The following EMSY variants were observed in gnomAD, a reference collection of about 807,000 sequenced individuals.
The protein encoded by EMSY is EMSY transcriptional repressor, BRCA2 interacting.
A neutral mutation model predicts 134.6 loss-of-function variants in EMSY; 26 were observed. The ratio of observed to expected loss-of-function variants is 0.19; its 90% CI spans 0.14 to 0.27. The LOEUF (loss-of-function observed/expected upper bound fraction) is 0.27, where lower values mean the gene tolerates loss of function less well. Among genes scored for constraint, EMSY ranks in the 10% least tolerant of loss-of-function variants. The pLI is 1.00. For synonymous variants in EMSY, 579 were observed against 577.8 expected (o/e 1.00, Z -0.03); for missense variants, 1,305 against 1,611.4 (o/e 0.81, Z 3.26).
intron 18 of EMSY, among the ~76,000 whole-genome samples, chr11:76,543,439 G>A (rs1046336384): frequency 6.6e-6 from 1 of 152,204 alleles, no homozygotes; most frequent in Admixed American, 6.5e-5. Context: ...CAACTGGCTG[G>A]AGGTTTTGTT....
At chr11:76,515,210 G>T (rs572441778) in intron 10 of EMSY, among the ~76,000 whole-genome samples, 48 of 151,010 alleles carry the variant, frequency 3.2e-4, no homozygotes, top group South Asian at 1.1e-3. Flanking sequence ...TTTTTTTGGG[G>T]GGGGGGAGGA....
At chr11:76,527,231 T>C (rs909088899) in intron 13 of EMSY, among the ~76,000 whole-genome samples, 4 of 152,118 alleles carry the variant, frequency 2.6e-5, no homozygotes, top group Admixed American at 2.6e-4. Context: ...GGTTGAGAAA[T>C]GCCATCCTAG....
exon 8 of EMSY, chr11:76,472,636 G>A (rs1290649261): frequency 7.4e-6 from 12 of 1,614,060 alleles, no homozygotes; most frequent in Non-Finnish European, 1.0e-5. Context: ...TAACTATGCA[G>A]CAGTCACTAA....
intron 4 of EMSY, among the ~76,000 whole-genome samples, chr11:76,455,942 G>A (rs1181670927): frequency 6.6e-6 from 1 of 152,120 alleles, no homozygotes; most frequent in Non-Finnish European, 1.5e-5. Flanking sequence ...AGGATACTGG[G>A]TCAGTTTCTG....
intron 7 of EMSY, among the ~76,000 whole-genome samples, chr11:76,465,444 T>C (rs1253090152): frequency 1.3e-5 from 2 of 152,166 alleles, no homozygotes; most frequent in African/African-American, 4.8e-5. Context: ...ATACATGAAA[T>C]AATATATGAA....
chr11:76,466,154 C>G (rs1343030201), intron 7 of EMSY, among the ~76,000 whole-genome samples: 1 of 152,204 alleles, frequency 6.6e-6, no homozygotes, highest in African/African-American at 2.4e-5. Context: ...TTGTCAATCT[C>G]CCTCATGACA....
chr11:76,476,227 T>C (rs1458968109), intron 8 of EMSY, among the ~76,000 whole-genome samples: 3 of 152,234 alleles, frequency 2.0e-5, no homozygotes, highest in Admixed American at 1.3e-4. Context: ...TGGTGTATGC[T>C]TCTTGTTGCA....
chr11:76,472,537 A>C, intron 7 of EMSY, 27 bp from the exon 9 acceptor site: 1 of 1,598,186 alleles, frequency 6.3e-7, no homozygotes, highest in Non-Finnish European at 8.6e-7. Flanking sequence ...GTAGGTACAT[A>C]AAAATAACTT....
At chr11:76,451,538 C>G (rs1333319834) in intron 2 of EMSY, among the ~76,000 whole-genome samples, 3 of 152,224 alleles carry the variant, frequency 2.0e-5, no homozygotes, top group Admixed American at 6.5e-5. Flanking sequence ...AGCCTTGTTA[C>G]ATCAGTTGGT....
At chr11:76,534,703 G>A (rs1257233605) in intron 14 of EMSY, among the ~76,000 whole-genome samples, 1 of 152,060 alleles carries the variant, frequency 6.6e-6, no homozygotes, top group Non-Finnish European at 1.5e-5. Flanking sequence ...TGCTTTCACT[G>A]ACCATCCCAA....
chr11:76,543,116 A>G (rs1016025513), intron 18 of EMSY, among the ~76,000 whole-genome samples: 1 of 152,202 alleles, frequency 6.6e-6, no homozygotes, highest in Middle Eastern at 3.2e-3. Flanking sequence ...CAGAGCCAGG[A>G]TTTAAACCCA....
chr11:76,458,126 T>C, intron 4 of EMSY, 57 bp from the exon 6 acceptor site: 1 of 1,475,916 alleles, frequency 6.8e-7, no homozygotes, highest in Non-Finnish European at 9.1e-7. Context: ...AGCATATATG[T>C]TTGATTTGTT....
chr11:76,542,929 G>C (rs976325561), intron 18 of EMSY, among the ~76,000 whole-genome samples: 12 of 152,122 alleles, frequency 7.9e-5, no homozygotes, highest in African/African-American at 2.9e-4. Context: ...AGGGTAATGG[G>C]GAAAAGGAAA....
At chr11:76,546,329 T>C (rs778166709) in intron 20 of EMSY, 32 bp downstream of exon 21, 1 of 1,581,186 alleles carries the variant, frequency 6.3e-7, no homozygotes, top group South Asian at 1.2e-5. Context: ...AGAAATCTTG[T>C]GCATCTTGGG....
chr11:76,546,402 GAA>G (rs1951653944), intron 20 of EMSY, 105 bp downstream of exon 21: 1 of 1,407,182 alleles, frequency 7.1e-7, no homozygotes, highest in African/African-American at 1.4e-5. Context: ...AAGACAGCAG[GAA>G]GACATAGATA....
At chr11:76,545,933 C>G (rs1951630717) in exon 20 of EMSY, 2 of 1,614,202 alleles carry the variant, frequency 1.2e-6, no homozygotes, top group Non-Finnish European at 1.7e-6. Context: ...AGCATATCTC[C>G]CATTCAGGCC....
At chr11:76,517,566 A>G (rs911335501) in intron 11 of EMSY, among the ~76,000 whole-genome samples, 1 of 152,200 alleles carries the variant, frequency 6.6e-6, no homozygotes, top group African/African-American at 2.4e-5. Context: ...ATATAGCTTG[A>G]AGGAATGTTT....
At chr11:76,549,908 T>A in intron 20 of EMSY, 44 bp from the exon 22 acceptor site, 1 of 1,438,494 alleles carries the variant, frequency 7.0e-7, no homozygotes, top group Non-Finnish European at 9.4e-7. Context: ...GTTATTCTGC[T>A]ACCTTTTCTT....
At chr11:76,448,020 G>A (rs1309125621) in intron 2 of EMSY, among the ~76,000 whole-genome samples, 1 of 152,132 alleles carries the variant, frequency 6.6e-6, no homozygotes, top group African/African-American at 2.4e-5. Context: ...TGACCCATGT[G>A]ACCAAGGACA....
Sources: gnomAD v4.1 joint callset for allele counts (sites outside exome capture counted in the v4.1 genomes callset) on GRCh38, gnomAD v4.1.1 for gene constraint, MANE v1.5 for transcripts, NCBI Gene and HGNC (gene_info 2026-07-23, HGNC 2026-07-21) for gene names.